WWC1: variants seen among roughly 807,000 people sequenced by gnomAD.
WWC1 encodes WW and C2 domain containing 1.
Under a neutral mutation model 138.4 loss-of-function variants are expected in WWC1, and 55 were observed. That is an observed-to-expected ratio of 0.40 (90% CI 0.32 to 0.50). The LOEUF (loss-of-function observed/expected upper bound fraction) is 0.50, where lower values mean the gene tolerates loss of function less well. Ranked by LOEUF, WWC1 falls within the 20% of genes least tolerant of loss-of-function variation. WWC1 has a pLI of 0.72. For missense variants in WWC1, 1,226 were observed against 1,420.4 expected, an observed-to-expected ratio of 0.86 and a Z score of 2.20; for synonymous variants, 524 against 564.9, an observed-to-expected ratio of 0.93 and a Z score of 1.03.
At position 168,428,071 on chromosome 5, in the gene WWC1, T is replaced by C. The variant is rs1781643320; in HGVS notation, c.1849T>C (p.Cys617Arg). 6.2e-7 allele frequency: 1 copy of C among 1,613,696 alleles called. No homozygotes were observed. The highest frequency in any genetic ancestry group is 8.5e-7 in the Non-Finnish European group (1 of 1,179,744). Reference sequence around the variant, plus strand: ...CCAGGGGTGTGGCCTGAAAGTGGCCTGTGTCTCAGCCGCCGTATCGGACGA... The same window carrying C: ...CCAGGGGTGTGGCCTGAAAGTGGCCCGTGTCTCAGCCGCCGTATCGGACGA... ...TAQGCGLKVA[C>R]VSAAVSDESV... is the part of the protein sequence containing the mutation. Residue 617 changes from cysteine to arginine, a missense_variant, in exon 12 of 23, where the codon TGT becomes CGT. Transcript: ENST00000265293.
intron 3 of WWC1, among the ~76,000 whole-genome samples, chr5:168,390,307 A>T (rs953002184): frequency 2.0e-5 from 3 of 152,176 alleles, no homozygotes; most frequent in African/African-American, 7.2e-5. Flanking sequence ...GTAAATGAAA[A>T]AGAGGTTTTT....
chr5:168,458,386 G>T (rs554566451), intron 19 of WWC1, among the ~76,000 whole-genome samples: 1 of 152,240 alleles, frequency 6.6e-6, no homozygotes, highest in African/African-American at 2.4e-5. Flanking sequence ...TGGCCTCCTC[G>T]GGTCTGATCG....
chr5:168,397,390 G>A (rs184267274), intron 3 of WWC1, among the ~76,000 whole-genome samples: 2 of 152,206 alleles, frequency 1.3e-5, no homozygotes, highest in Admixed American at 1.3e-4. Context: ...TGATCCCCCT[G>A]CCTCAGCCTC....
chr5:168,411,265 G>A (rs1484321953), intron 8 of WWC1, among the ~76,000 whole-genome samples: 1 of 152,062 alleles, frequency 6.6e-6, no homozygotes, highest in African/African-American at 2.4e-5. Flanking sequence ...CAGTGTTACT[G>A]GCAAAGAATG....
At chr5:168,367,456 C>A (rs1329824261) in intron 1 of WWC1, among the ~76,000 whole-genome samples, 3 of 151,304 alleles carry the variant, frequency 2.0e-5, no homozygotes, top group African/African-American at 7.3e-5. Context: ...CTCAGCCTCC[C>A]GAGTAGCTGG....
At chr5:168,327,059 C>T (rs1772625671) in intron 1 of WWC1, among the ~76,000 whole-genome samples, 1 of 152,152 alleles carries the variant, frequency 6.6e-6, no homozygotes, top group Non-Finnish European at 1.5e-5. Context: ...CAACAGTCAG[C>T]TAACGGTAAC....
rs531150707 is a variant in WWC1 at position 168,392,429 on chromosome 5, G to A, written c.434-5295G>A. On this transcript the variant is annotated intron_variant, in intron 3 of 22. Coordinates refer to ENST00000265293, the MANE Select transcript of WWC1 (RefSeq NM_015238.3). ...ATGCTGTGGCCAGGCGCTCATGCCT[G>A]TAATACCAGCACTTTGAGAGGCCGA... Among the ~76,000 whole-genome samples the A allele has an allele frequency of 5.9e-5, 9 of 152,320 alleles. No homozygotes were observed. The East Asian group carries it at 1.7e-3, about 29-fold the overall frequency.
intron 22 of WWC1, among the ~76,000 whole-genome samples, chr5:168,468,427 C>T (rs1757477200): frequency 6.6e-6 from 1 of 151,930 alleles, no homozygotes; most frequent in Admixed American, 6.6e-5. Flanking sequence ...GGCCTCCCAT[C>T]CACAGAGGCC....
At chr5:168,460,948 G>A (rs1265713941) in intron 20 of WWC1, among the ~76,000 whole-genome samples, 1 of 152,154 alleles carries the variant, frequency 6.6e-6, no homozygotes, top group East Asian at 1.9e-4. Context: ...AAGGGTAAAT[G>A]TATTTGTCTT....
intron 3 of WWC1, among the ~76,000 whole-genome samples, chr5:168,386,768 T>A (rs796552417): frequency 5.0e-4 from 76 of 151,892 alleles, no homozygotes; most frequent in African/African-American, 1.8e-3. Flanking sequence ...TTCCAGCAAT[T>A]CTCCTGCCTC....
At chr5:168,449,314 T>C (rs1054623124) in intron 17 of WWC1, among the ~76,000 whole-genome samples, 1 of 152,224 alleles carries the variant, frequency 6.6e-6, no homozygotes, top group Non-Finnish European at 1.5e-5. Context: ...CCGTAATGGT[T>C]GAGCACTTAG....
intron 1 of WWC1, among the ~76,000 whole-genome samples, chr5:168,318,842 G>A (rs1308248360): frequency 6.6e-6 from 1 of 152,098 alleles, no homozygotes; most frequent in African/African-American, 2.4e-5. Flanking sequence ...TTACAGGCAT[G>A]AGCCACCATG....
intron 3 of WWC1, among the ~76,000 whole-genome samples, chr5:168,396,608 CA>C (rs1351988956): frequency 6.6e-5 from 10 of 152,176 alleles, no homozygotes; most frequent in Non-Finnish European, 1.5e-4. Context: ...AAGGACACCA[CA>C]AATCTTATAT....
rs1391363669 is a variant in WWC1 at position 168,468,935 on chromosome 5, A to T, written c.3276-16A>T. ...GGTTGAAAACCCCTGCTCTAAAGGG[A>T]TGGCCTCTCTTATAGGGAGAAGATG... On this transcript the variant is annotated splice_polypyrimidine_tract_variant and intron_variant, in intron 22 of 22. Transcript: ENST00000265293. The T allele has an allele frequency of 3.1e-6, 5 of 1,614,106 alleles. No homozygotes were observed. Among genetic ancestry groups the T allele is most frequent in the Non-Finnish European group, 4.2e-6 (5 of 1,179,924 alleles).
chr5:168,446,232 TAAAAAAAAAAAAAAA>T (rs60746695), intron 17 of WWC1, among the ~76,000 whole-genome samples: 8 of 58,768 alleles, frequency 1.4e-4, no homozygotes, highest in South Asian at 1.8e-3. Flanking sequence ...CTCCCATTAT[TAAAAAAAAAAAAAAA>T]AAAAAAAAAA....
At chr5:168,407,848 G>A (rs184316684) in intron 6 of WWC1, among the ~76,000 whole-genome samples, 341 of 151,808 alleles carry the variant, frequency 2.2e-3, no homozygotes, top group African/African-American at 8.0e-3. Context: ...CTGTGAGATA[G>A]GACCTGCGAT....
chr5:168,373,673 C>G (rs908147912), intron 2 of WWC1, among the ~76,000 whole-genome samples: 6 of 135,970 alleles, frequency 4.4e-5, no homozygotes, highest in Non-Finnish European at 7.6e-5. Context: ...CATTTGAACC[C>G]AGGAGTTCAA....
At chr5:168,449,449 G>A (rs1378268717) in intron 17 of WWC1, among the ~76,000 whole-genome samples, 1 of 152,024 alleles carries the variant, frequency 6.6e-6, no homozygotes, top group African/African-American at 2.4e-5. Context: ...TTTGAGCACT[G>A]TTGTGAGGTG....
intron 15 of WWC1, among the ~76,000 whole-genome samples, chr5:168,440,799 G>A (rs1345361157): frequency 5.9e-5 from 9 of 152,168 alleles, no homozygotes; most frequent in Admixed American, 5.9e-4. Context: ...TTACAGGCGT[G>A]AGCCACCGCG....
Sources: allele counts gnomAD v4.1 joint callset (sites outside exome capture counted in the v4.1 genomes callset), GRCh38; gene constraint gnomAD v4.1.1; transcripts MANE v1.5; gene names NCBI Gene and HGNC (gene_info 2026-07-23, HGNC 2026-07-21).